The following WWTR1 variants were observed in gnomAD, a reference collection of about 807,000 sequenced individuals.
The protein encoded by WWTR1 is WW domain-containing transcription regulator protein 1.
WWTR1 carries 13 observed loss-of-function variants against 40.1 expected under a neutral mutation model. The observed-to-expected ratio is 0.32, with a 90% CI of 0.21 to 0.52. The LOEUF is 0.52. Among genes scored for constraint, WWTR1 ranks in the 20% least tolerant of loss-of-function variants. WWTR1 has a pLI of 0.97. For missense variants in WWTR1, 436 were observed against 523.1 expected (o/e 0.83, Z 1.63); for synonymous variants, 230 against 210.1 (o/e 1.09, Z -0.82).
chr3:149,646,363 G>A (rs745961107), intron 2 of WWTR1, among the ~76,000 whole-genome samples: 18 of 152,202 alleles, frequency 1.2e-4, no homozygotes, highest in Non-Finnish European at 2.2e-4. Flanking sequence ...CACCACACAA[G>A]AGTGACACAC....
chr3:149,694,813 T>C (rs1324700725), intron 1 of WWTR1, among the ~76,000 whole-genome samples: 2 of 152,210 alleles, frequency 1.3e-5, no homozygotes, highest in Non-Finnish European at 2.9e-5. Context: ...CTGCTAGGTA[T>C]ACACGCAAAA....
rs1334758577 is a variant in WWTR1, at chr3:149,519,186, C to T, written c.*1619G>A. The T allele has an allele frequency of 6.6e-6, 1 of 152,082 alleles. No homozygotes were observed. Among genetic ancestry groups the T allele is most frequent in the Non-Finnish European group, 1.5e-5 (1 of 68,020 alleles). 9.4% of individuals were successfully genotyped at this position (152,082 alleles called of 1,614,324 possible). A position where few individuals can be genotyped will look rare whatever the true frequency, so the allele number is the denominator to read the frequency against. ...TTGGCAATGCAGGCAGACTGCATGC[C>T]AGTTGAACATGATGCTCTCTCAGTC... On this transcript the variant is annotated 3_prime_UTR_variant, in exon 7 of 7. Coordinates refer to ENST00000360632, the MANE Select transcript of WWTR1 (RefSeq NM_015472.6).
chr3:149,672,760 T>C (rs534963688), intron 1 of WWTR1, among the ~76,000 whole-genome samples: 37 of 150,864 alleles, frequency 2.5e-4, no homozygotes, highest in Non-Finnish European at 4.7e-4. Context: ...AGAGGATGGA[T>C]GGTAATGGAA....
intron 2 of WWTR1, among the ~76,000 whole-genome samples, chr3:149,596,323 C>T (rs578225229): frequency 1.5e-4 from 23 of 152,314 alleles, no homozygotes; most frequent in Non-Finnish European, 3.2e-4. Flanking sequence ...ACACAACAGC[C>T]TTCAGGAATT....
intron 2 of WWTR1, among the ~76,000 whole-genome samples, chr3:149,651,212 C>T (rs1286789084): frequency 6.6e-6 from 1 of 152,178 alleles, no homozygotes; most frequent in East Asian, 1.9e-4. Flanking sequence ...AAGCCAGAGT[C>T]AGAACAATTT....
chr3:149,624,110 C>T (rs1238838005), intron 2 of WWTR1, among the ~76,000 whole-genome samples: 2 of 152,208 alleles, frequency 1.3e-5, no homozygotes, highest in Non-Finnish European at 2.9e-5. Context: ...TCCATTCTAA[C>T]TCTGTGATTC....
intron 2 of WWTR1, among the ~76,000 whole-genome samples, chr3:149,588,932 T>C (rs1188876780): frequency 6.6e-6 from 1 of 151,924 alleles, no homozygotes; most frequent in Non-Finnish European, 1.5e-5. Context: ...TGCTCTGAAC[T>C]AGAGAGAGGC....
At chr3:149,669,317 AG>A (rs1400284507) in intron 2 of WWTR1, among the ~76,000 whole-genome samples, 7 of 152,170 alleles carry the variant, frequency 4.6e-5, no homozygotes, top group Non-Finnish European at 1.0e-4. Flanking sequence ...TTCCTGCACC[AG>A]TCCCATTACT....
At chr3:149,546,301 A>G (rs184744081) in intron 3 of WWTR1, among the ~76,000 whole-genome samples, 1 of 152,370 alleles carries the variant, frequency 6.6e-6, no homozygotes, top group Admixed American at 6.5e-5. Context: ...AGTTTGTACA[A>G]GGATATTCAA....
intron 2 of WWTR1, among the ~76,000 whole-genome samples, chr3:149,655,340 G>A (rs1713144528): frequency 6.6e-6 from 1 of 151,926 alleles, no homozygotes; most frequent in African/African-American, 2.4e-5. Flanking sequence ...AGCTACTCAG[G>A]AGGCTGAGGC....
chr3:149,521,631 T>C (rs1735050475), intron 6 of WWTR1, among the ~76,000 whole-genome samples: 1 of 152,232 alleles, frequency 6.6e-6, no homozygotes, highest in African/African-American at 2.4e-5. Context: ...ACCCATTTAA[T>C]CACCTAAACC....
intron 3 of WWTR1, among the ~76,000 whole-genome samples, chr3:149,570,783 C>T (rs62269317): frequency 0.087 from 13,167 of 152,024 alleles, 757 homozygotes; most frequent in Middle Eastern, 0.14. Flanking sequence ...CTCACATGTG[C>T]CTTCAATATC....
chr3:149,638,598 T>C (rs994655513), intron 2 of WWTR1, among the ~76,000 whole-genome samples: 1 of 152,152 alleles, frequency 6.6e-6, no homozygotes, highest in African/African-American at 2.4e-5. Context: ...CCTGTTTCCA[T>C]TCTCTTTCTT....
intron 5 of WWTR1, among the ~76,000 whole-genome samples, chr3:149,715,350 C>T (rs898623307): frequency 2.6e-5 from 4 of 152,224 alleles, no homozygotes; most frequent in East Asian, 3.9e-4. Context: ...AGCTTCTGGG[C>T]GTCACTGCAT....
intron 2 of WWTR1, among the ~76,000 whole-genome samples, chr3:149,632,910 T>C (rs1711614079): frequency 6.6e-6 from 1 of 152,186 alleles, no homozygotes; most frequent in Admixed American, 6.5e-5. Flanking sequence ...GATGAGAATG[T>C]GGAGGAGAGG....
intron 4 of WWTR1, among the ~76,000 whole-genome samples, chr3:149,535,478 A>G (rs1735784768): frequency 6.6e-6 from 1 of 152,094 alleles, no homozygotes; most frequent in South Asian, 2.1e-4. Context: ...TTTTGAAACA[A>G]CTCATCACTA....
chr3:149,550,230 G>A (rs1205283564), intron 3 of WWTR1, among the ~76,000 whole-genome samples: 2 of 152,138 alleles, frequency 1.3e-5, no homozygotes, highest in Non-Finnish European at 2.9e-5. Context: ...AGAAAATCTG[G>A]TCTATAATGT....
chr3:149,606,095 T>C (rs1560081620), intron 2 of WWTR1, among the ~76,000 whole-genome samples: 1 of 152,200 alleles, frequency 6.6e-6, no homozygotes. Flanking sequence ...GTAGAAGGCA[T>C]GATCTATGAG....
chr3:149,672,027 T>G (rs770318569), intron 1 of WWTR1, among the ~76,000 whole-genome samples: 16 of 152,158 alleles, frequency 1.1e-4, no homozygotes, highest in Non-Finnish European at 2.2e-4. Context: ...CCTTTCATCT[T>G]ATGGCTTCCC....
Sources: allele counts gnomAD v4.1 joint callset (sites outside exome capture counted in the v4.1 genomes callset), GRCh38; gene constraint gnomAD v4.1.1; transcripts MANE v1.5; gene names NCBI Gene and HGNC (gene_info 2026-07-23, HGNC 2026-07-21).